Variants in SNTG2 observed in about 807,000 individuals in gnomAD.
SNTG2 encodes syntrophin gamma 2.
A neutral mutation model predicts 70.9 loss-of-function variants in SNTG2; 74 were observed. The observed-to-expected ratio is 1.04, with a 90% confidence interval of 0.86 to 1.27. SNTG2 has a LOEUF of 1.27. Ranked by LOEUF, SNTG2 falls within the 50% of genes most tolerant of loss-of-function variation. The pLI, the probability that SNTG2 is intolerant of heterozygous loss-of-function variation, is 0.00. For synonymous variants in SNTG2, 278 were observed against 273.8 expected (o/e 1.02, Z -0.15); for missense variants, 717 against 690.7 (o/e 1.04, Z -0.43).
chr2:1,227,338 C>T (rs762645224), intron 9 of SNTG2, among the ~76,000 whole-genome samples: 14 of 152,252 alleles, frequency 9.2e-5, no homozygotes, highest in Non-Finnish European at 1.3e-4. Flanking sequence ...TCCTATAGGA[C>T]TAACAGCCTG....
chr2:1,360,429 G>A (rs1661074694), intron 16 of SNTG2, among the ~76,000 whole-genome samples: 1 of 152,190 alleles, frequency 6.6e-6, no homozygotes, highest in Non-Finnish European at 1.5e-5. Flanking sequence ...TCTCTGGGGT[G>A]TGTTCCTTCC....
At chr2:1,253,362 C>G (rs1677872980) in intron 12 of SNTG2, among the ~76,000 whole-genome samples, 1 of 152,254 alleles carries the variant, frequency 6.6e-6, no homozygotes, top group South Asian at 2.1e-4. Context: ...TGTAAATGTC[C>G]CTGAATGATT....
intron 4 of SNTG2, among the ~76,000 whole-genome samples, chr2:1,116,354 T>C (rs904077898): frequency 1.3e-5 from 2 of 152,200 alleles, no homozygotes; most frequent in Admixed American, 1.3e-4. Flanking sequence ...TGAAAACAGC[T>C]CCAGTTACTC....
intron 8 of SNTG2, among the ~76,000 whole-genome samples, chr2:1,202,708 G>A (rs1450256392): frequency 1.3e-5 from 2 of 152,088 alleles, no homozygotes; most frequent in African/African-American, 2.4e-5. Flanking sequence ...GATACCCACA[G>A]GTGGGAATTA....
chr2:970,455 T>C (rs200532316), intron 1 of SNTG2, among the ~76,000 whole-genome samples: 2 of 144,040 alleles, frequency 1.4e-5, no homozygotes, highest in African/African-American at 5.2e-5. Context: ...AGTATGATGT[T>C]CCCCTTCCTG....
At chr2:1,051,365 G>A (rs527809245) in intron 1 of SNTG2, among the ~76,000 whole-genome samples, 12 of 152,216 alleles carry the variant, frequency 7.9e-5, no homozygotes, top group South Asian at 2.1e-4. Context: ...TTTTGTAGAC[G>A]TCTCTAACCA....
intron 1 of SNTG2, among the ~76,000 whole-genome samples, chr2:1,025,161 A>G (rs1276822076): frequency 2.0e-5 from 3 of 152,200 alleles, no homozygotes; most frequent in African/African-American, 7.2e-5. Context: ...TCCCCTAGGG[A>G]TGATGAGTAA....
At chr2:1,265,451 C>A (rs1678675084) in intron 13 of SNTG2, among the ~76,000 whole-genome samples, 1 of 152,346 alleles carries the variant, frequency 6.6e-6, no homozygotes, top group Admixed American at 6.5e-5. Flanking sequence ...CACGTGCACA[C>A]ACCACAAGGC....
intron 4 of SNTG2, among the ~76,000 whole-genome samples, chr2:1,103,609 C>G (rs1036150639): frequency 6.6e-6 from 1 of 152,258 alleles, no homozygotes; most frequent in South Asian, 2.1e-4. Context: ...GGGATCATCT[C>G]GATCCCTTGA....
chr2:1,123,170 C>T (rs1667489814), intron 4 of SNTG2, among the ~76,000 whole-genome samples: 1 of 151,944 alleles, frequency 6.6e-6, no homozygotes, highest in Non-Finnish European at 1.5e-5. Context: ...CAGTGTAATC[C>T]TTATCAAAAT....
intron 1 of SNTG2, among the ~76,000 whole-genome samples, chr2:1,050,334 T>G (rs1661985115): frequency 6.6e-6 from 1 of 152,182 alleles, no homozygotes; most frequent in South Asian, 2.1e-4. Flanking sequence ...CCTTTTAAAT[T>G]TAGATCAAAA....
intron 15 of SNTG2, among the ~76,000 whole-genome samples, chr2:1,315,737 G>A (rs1455976638): frequency 1.3e-5 from 2 of 152,022 alleles, no homozygotes; most frequent in African/African-American, 4.8e-5. Context: ...TTTCAAATTG[G>A]TTCATGAAAA....
chr2:1,099,326 G>C (rs1488693599), intron 4 of SNTG2, among the ~76,000 whole-genome samples: 1 of 152,176 alleles, frequency 6.6e-6, no homozygotes, highest in Non-Finnish European at 1.5e-5. Context: ...GACCTCATGT[G>C]CCTCACACCG....
At chr2:1,330,846 G>A (rs567164614) in intron 16 of SNTG2, among the ~76,000 whole-genome samples, 4 of 152,290 alleles carry the variant, frequency 2.6e-5, no homozygotes, top group East Asian at 1.9e-4. Flanking sequence ...GTTTTGGTAA[G>A]CAGTGTCCCA....
chr2:1,081,179 C>T (rs1175300526), intron 1 of SNTG2, among the ~76,000 whole-genome samples: 1 of 152,234 alleles, frequency 6.6e-6, no homozygotes, highest in Non-Finnish European at 1.5e-5. Context: ...GCTAGGGGCT[C>T]AGTGCTTGCA....
At chr2:1,286,883 G>A (rs920557021) in intron 14 of SNTG2, among the ~76,000 whole-genome samples, 3 of 152,176 alleles carry the variant, frequency 2.0e-5, no homozygotes, top group Non-Finnish European at 2.9e-5. Context: ...AAGAACATTC[G>A]TCAACAGGTT....
At chr2:1,190,285 C>T (rs1268924328) in intron 8 of SNTG2, among the ~76,000 whole-genome samples, 1 of 151,712 alleles carries the variant, frequency 6.6e-6, no homozygotes, top group Non-Finnish European at 1.5e-5. Context: ...CACGTTCTCC[C>T]ATATACTTTT....
intron 8 of SNTG2, among the ~76,000 whole-genome samples, chr2:1,181,062 T>C (rs1053627684): frequency 6.6e-6 from 1 of 151,878 alleles, no homozygotes; most frequent in Non-Finnish European, 1.5e-5. Flanking sequence ...CTCTGGGGAC[T>C]GTAGTGGGGT....
intron 1 of SNTG2, among the ~76,000 whole-genome samples, chr2:974,367 CA>C (rs1287290985): frequency 6.6e-6 from 1 of 152,222 alleles, no homozygotes; most frequent in Admixed American, 6.5e-5. Flanking sequence ...TGTTCCCCCA[CA>C]GGAAGCTGCA....
Sources: allele counts gnomAD v4.1 joint callset (sites outside exome capture counted in the v4.1 genomes callset), GRCh38; gene constraint gnomAD v4.1.1; transcripts MANE v1.5; gene names NCBI Gene and HGNC (gene_info 2026-07-23, HGNC 2026-07-21).